MAP7: variants seen among roughly 807,000 people sequenced by gnomAD.
MAP7 encodes the protein ensconsin.
MAP7 carries 52 observed loss-of-function variants against 94.8 expected under a neutral mutation model. The observed-to-expected ratio is 0.55, with a 90% CI of 0.44 to 0.69. The LOEUF (loss-of-function observed/expected upper bound fraction) is 0.69. Ranked by LOEUF, MAP7 falls within the 30% of genes least tolerant of loss-of-function variation. MAP7 has a pLI of 0.00. For synonymous variants in MAP7, 350 were observed against 357.0 expected (o/e 0.98, Z 0.22); for missense variants, 940 against 964.6 (o/e 0.97, Z 0.34).
chr6:136,360,664 G>A lies in MAP7; in HGVS notation c.1803+33C>T, dbSNP rs767399385. 1.1e-5 allele frequency: 17 copies of A among 1,596,902 alleles called. No homozygotes were observed. The Middle Eastern group carries it at 1.2e-3, about 109-fold the overall frequency. On this transcript the variant is annotated intron_variant, in intron 13 of 17. Transcript: ENST00000354570. ...CTCTGGGTCTTAGAGGTGCAAGTTCGCGTCCCGGGCCTCTCTACTAAGACG... is the reference window on the plus strand; with the variant it reads ...CTCTGGGTCTTAGAGGTGCAAGTTCACGTCCCGGGCCTCTCTACTAAGACG...
intron 6 of MAP7, among the ~76,000 whole-genome samples, chr6:136,380,639 GATA>G (rs1777486205): frequency 6.6e-6 from 1 of 152,204 alleles, no homozygotes; most frequent in South Asian, 2.1e-4. Flanking sequence ...ATAGCTTAAA[GATA>G]ATAATATATA....
At chr6:136,515,603 C>T (rs1824567111) in intron 1 of MAP7, among the ~76,000 whole-genome samples, 1 of 152,114 alleles carries the variant, frequency 6.6e-6, no homozygotes, top group African/African-American at 2.4e-5. Flanking sequence ...TGTCATGTCT[C>T]AAAGAATAGG....
At chr6:136,391,090 A>T (rs1279261397) in intron 3 of MAP7, among the ~76,000 whole-genome samples, 4 of 152,246 alleles carry the variant, frequency 2.6e-5, no homozygotes, top group Admixed American at 6.5e-5. Flanking sequence ...AATAAAAAGC[A>T]TATAGTATCA....
intron 1 of MAP7, among the ~76,000 whole-genome samples, chr6:136,471,706 A>G (rs940288451): frequency 6.6e-6 from 1 of 152,166 alleles, no homozygotes; most frequent in African/African-American, 2.4e-5. Context: ...ATTACCCTGG[A>G]ATCTTGCACG....
chr6:136,363,919 T>C (rs576382680), intron 10 of MAP7, among the ~76,000 whole-genome samples: 5 of 152,388 alleles, frequency 3.3e-5, no homozygotes, highest in Non-Finnish European at 7.3e-5. Context: ...CTACATATTC[T>C]GACTTAGTAA....
chr6:136,420,508 T>C, intron 2 of MAP7: 1 of 339,962 alleles, frequency 2.9e-6, no homozygotes. Flanking sequence ...TAGAATAAGC[T>C]GCGTGGGGAC....
intron 5 of MAP7, among the ~76,000 whole-genome samples, chr6:136,384,291 T>C (rs1236560827): frequency 2.0e-5 from 3 of 152,094 alleles, no homozygotes; most frequent in Non-Finnish European, 1.5e-5. Flanking sequence ...CTCGTTGTTG[T>C]TGTTGTTGTT....
intron 3 of MAP7, among the ~76,000 whole-genome samples, chr6:136,391,660 A>G (rs907280624): frequency 3.6e-5 from 4 of 109,794 alleles, no homozygotes; most frequent in Non-Finnish European, 7.6e-5. Flanking sequence ...AATAAAAAAT[A>G]AAAACTATTA....
intron 1 of MAP7, chr6:136,545,247 C>G (rs1197744543): frequency 6.6e-6 from 1 of 151,740 alleles, no homozygotes; most frequent in Non-Finnish European, 1.5e-5. Flanking sequence ...AGAGATTTGG[C>G]TAATCTGGCT....
At chr6:136,466,845 G>C in intron 1 of MAP7, 3 of 1,532,184 alleles carry the variant, frequency 2.0e-6, no homozygotes, top group Middle Eastern at 1.7e-4. Flanking sequence ...TTCTTGCTTT[G>C]TGTCCCTCAG....
intron 1 of MAP7, among the ~76,000 whole-genome samples, chr6:136,467,422 G>A (rs1807493638): frequency 6.6e-6 from 1 of 152,210 alleles, no homozygotes; most frequent in South Asian, 2.1e-4. Context: ...TGTATGGAAT[G>A]ACATTTAGGT....
chr6:136,404,141 CA>C (rs1301381196), intron 3 of MAP7, among the ~76,000 whole-genome samples: 1 of 152,084 alleles, frequency 6.6e-6, no homozygotes, highest in Non-Finnish European at 1.5e-5. Flanking sequence ...AGTATGAAAT[CA>C]GGGGGAGTTT....
intron 8 of MAP7, among the ~76,000 whole-genome samples, chr6:136,367,677 C>T (rs1794667159): frequency 6.6e-6 from 1 of 152,196 alleles, no homozygotes; most frequent in Non-Finnish European, 1.5e-5. Context: ...TGTGTGCCAG[C>T]TCTGCATCAT....
intron 1 of MAP7, among the ~76,000 whole-genome samples, chr6:136,460,475 G>A (rs1037882748): frequency 2.6e-5 from 4 of 152,088 alleles, no homozygotes; most frequent in Non-Finnish European, 4.4e-5. Flanking sequence ...AAGATGATTG[G>A]AAAACAAACA....
chr6:136,542,870 G>C (rs1055715112), intron 1 of MAP7, among the ~76,000 whole-genome samples: 21 of 152,254 alleles, frequency 1.4e-4, no homozygotes, highest in African/African-American at 4.8e-4. Context: ...GCATTAAAAA[G>C]GCACTATTTT....
intron 6 of MAP7, among the ~76,000 whole-genome samples, chr6:136,379,579 T>G (rs902236449): frequency 1.3e-4 from 20 of 152,170 alleles, no homozygotes; most frequent in Admixed American, 1.3e-3. Flanking sequence ...TGATTAGGAC[T>G]AACTGAAAAT....
At chr6:136,493,843 C>G (rs1379012192) in intron 1 of MAP7, among the ~76,000 whole-genome samples, 1 of 152,182 alleles carries the variant, frequency 6.6e-6, no homozygotes, top group Non-Finnish European at 1.5e-5. Flanking sequence ...TAGACTCTAA[C>G]ACCCTATAGT....
chr6:136,467,135 T>C (rs988391619), intron 1 of MAP7, among the ~76,000 whole-genome samples: 1 of 152,164 alleles, frequency 6.6e-6, no homozygotes, highest in Admixed American at 6.5e-5. Flanking sequence ...GTCTCAGGGA[T>C]TCAAACTCAG....
At chr6:136,513,097 T>G (rs1461932128) in intron 1 of MAP7, among the ~76,000 whole-genome samples, 2 of 152,174 alleles carry the variant, frequency 1.3e-5, no homozygotes, top group Non-Finnish European at 2.9e-5. Context: ...CTCCTGCCTC[T>G]GCCTCTCAAA....
Sources: gnomAD v4.1 joint callset for allele counts (sites outside exome capture counted in the v4.1 genomes callset) on GRCh38, gnomAD v4.1.1 for gene constraint, MANE v1.5 for transcripts, NCBI Gene and HGNC (gene_info 2026-07-23, HGNC 2026-07-21) for gene names.